Variants in PRKG1 observed in about 807,000 individuals in gnomAD.
The protein encoded by PRKG1 is protein kinase cGMP-dependent 1, also known as cGMP-dependent protein kinase 1.
PRKG1 carries 35 observed loss-of-function variants against 88.1 expected under a neutral mutation model. The ratio of observed to expected loss-of-function variants is 0.40; its 90% CI spans 0.30 to 0.53. The LOEUF is 0.53. PRKG1 is among the 20% of genes least tolerant of loss of function. The probability of loss-of-function intolerance (pLI) is 0.59; values close to 1 mark genes in which losing one functional copy is unlikely to be tolerated. For missense variants in PRKG1, 540 were observed against 839.8 expected (o/e 0.64, Z 4.41); for synonymous variants, 303 against 292.5 (o/e 1.04, Z -0.37).
intron 2 of PRKG1, among the ~76,000 whole-genome samples, chr10:51,360,131 C>G (rs1842449109): frequency 6.6e-6 from 1 of 151,894 alleles, no homozygotes; most frequent in Non-Finnish European, 1.5e-5. Context: ...TTTTGGAACA[C>G]TGCTTTTCAT....
At chr10:51,025,416 C>T (rs972805825) in intron 1 of PRKG1, among the ~76,000 whole-genome samples, 5 of 152,134 alleles carry the variant, frequency 3.3e-5, no homozygotes, top group African/African-American at 1.2e-4. Flanking sequence ...GGGATGTTGA[C>T]ACCCTCTGAT....
At chr10:51,291,159 A>C (rs1289894183) in intron 2 of PRKG1, among the ~76,000 whole-genome samples, 3 of 152,176 alleles carry the variant, frequency 2.0e-5, no homozygotes, top group Admixed American at 2.0e-4. Context: ...CATTGTTATG[A>C]AAGTTAATGC....
chr10:51,485,030 G>T (rs1280880787), intron 3 of PRKG1, among the ~76,000 whole-genome samples: 1 of 152,088 alleles, frequency 6.6e-6, no homozygotes, highest in Non-Finnish European at 1.5e-5. Context: ...TGAGCTTCAG[G>T]CTGTTCCAGG....
chr10:51,315,675 G>T (rs115272635), intron 2 of PRKG1, among the ~76,000 whole-genome samples: 6 of 152,184 alleles, frequency 3.9e-5, no homozygotes, highest in Non-Finnish European at 7.3e-5. Context: ...AAATGGAAAA[G>T]ATAATTCAGT....
rs1165889491 is a variant in PRKG1 at position 52,106,747 on chromosome 10, T to TAATAAA, written c.936-27091_936-27090insTAAAAA. ...ATAATAATAATAATAATAATAATAA[T>TAATAAA]AAAGTAAATAAATAAAAATGTTGAG... On this transcript the variant is annotated intron_variant, in intron 7 of 17. Transcript: ENST00000373980. 7.0e-5 allele frequency among the ~76,000 whole-genome samples: 10 copies of TAATAAA among 143,430 alleles called. No homozygotes were observed. In the East Asian group the frequency reaches 1.6e-3, roughly 22 times the overall value. 94.1% of individuals were successfully genotyped at this position (143,430 alleles called of 152,430 possible). A position where few individuals can be genotyped will look rare whatever the true frequency, so the allele number is the denominator to read the frequency against.
At chr10:52,155,756 C>T (rs867175202) in intron 8 of PRKG1, among the ~76,000 whole-genome samples, 1 of 151,542 alleles carries the variant, frequency 6.6e-6, no homozygotes, top group Non-Finnish European at 1.5e-5. Context: ...CACACACACA[C>T]GTAATTTTAA....
At chr10:51,951,772 T>C (rs1009903190) in intron 5 of PRKG1, among the ~76,000 whole-genome samples, 2 of 152,264 alleles carry the variant, frequency 1.3e-5, no homozygotes, top group African/African-American at 4.8e-5. Flanking sequence ...ACTGTTCTAG[T>C]TGGAACGAAC....
In PRKG1 at chr10:51,807,648, T is replaced by C. The variant is rs144145269; in HGVS notation, c.698+2958T>C. Reference sequence around the variant, plus strand: ...GAGGAAAACCAGCAAGGCTTGTCTGTTGAGATTCTTCTTGGCCTCTCTGTT... The same window carrying C: ...GAGGAAAACCAGCAAGGCTTGTCTGCTGAGATTCTTCTTGGCCTCTCTGTT... On this transcript the variant is annotated intron_variant, in intron 4 of 17. Transcript: ENST00000373980. Among the ~76,000 whole-genome samples the C allele has an allele frequency of 2.9e-4, 44 of 152,310 alleles. 4 individuals carry two copies. Among genetic ancestry groups the C allele is most frequent in the Middle Eastern group, 6.8e-3 (2 of 294 alleles).
chr10:51,819,006 C>CAAAA (rs869048560), intron 4 of PRKG1, among the ~76,000 whole-genome samples: 3 of 18,346 alleles, frequency 1.6e-4, no homozygotes, highest in East Asian at 1.3e-3. Context: ...GACTCCGTCT[C>CAAAA]AAAAAAAAAA....
intron 3 of PRKG1, among the ~76,000 whole-genome samples, chr10:51,701,535 C>A (rs924721711): frequency 1.3e-5 from 2 of 152,162 alleles, no homozygotes; most frequent in African/African-American, 4.8e-5. Flanking sequence ...CACCTGCTAG[C>A]AATGTTTCCC....
chr10:51,982,607 T>C (rs1387067737), intron 5 of PRKG1, among the ~76,000 whole-genome samples: 1 of 152,224 alleles, frequency 6.6e-6, no homozygotes, highest in East Asian at 1.9e-4. Context: ...TCCTGGATTG[T>C]GTTCTGTAAC....
At chr10:51,204,779 A>G (rs1838004700) in intron 2 of PRKG1, among the ~76,000 whole-genome samples, 2 of 152,118 alleles carry the variant, frequency 1.3e-5, no homozygotes, top group African/African-American at 4.8e-5. Flanking sequence ...AGGCATAGTG[A>G]GATGTGAATG....
chr10:51,718,187 A>G (rs1193451639), intron 3 of PRKG1, among the ~76,000 whole-genome samples: 4 of 152,252 alleles, frequency 2.6e-5, no homozygotes, highest in Non-Finnish European at 5.9e-5. Context: ...AAAGAATATA[A>G]GAATAACTGG....
intron 7 of PRKG1, among the ~76,000 whole-genome samples, chr10:52,074,855 C>A (rs1049323052): frequency 5.3e-5 from 8 of 152,082 alleles, no homozygotes; most frequent in African/African-American, 1.9e-4. Flanking sequence ...CTCATGTGTT[C>A]TGATTAAGAC....
In PRKG1 at chr10:51,153,227, G is replaced by A. The variant is rs111805858; in HGVS notation, c.375G>A (p.Ser125=). 80 of 1,612,338 alleles carry A rather than the reference G, an allele frequency of 5.0e-5. No individual in the cohort carries two copies. The highest frequency in any genetic ancestry group is 6.7e-5 in the African/African-American group (5 of 74,746). Residue 125 remains serine (S), a synonymous_variant, in exon 2 of 18, where the codon TCG becomes TCA. Transcript: ENST00000373980. ...DNDFMKNLEL[S]QIQEIVDCMY... is the part of the protein sequence containing the mutation. ...ACTTTATGAAGAACTTGGAGCTGTC[G>A]CAGATCCAGGAGATTGTGGATTGTA...
intron 2 of PRKG1, among the ~76,000 whole-genome samples, chr10:51,294,645 T>A (rs1351981843): frequency 6.6e-6 from 1 of 152,216 alleles, no homozygotes; most frequent in Non-Finnish European, 1.5e-5. Flanking sequence ...AACTAATACT[T>A]CTGGGCTCTT....
At chr10:51,089,358 C>A (rs550578196) in intron 1 of PRKG1, among the ~76,000 whole-genome samples, 1 of 152,280 alleles carries the variant, frequency 6.6e-6, no homozygotes, top group South Asian at 2.1e-4. Flanking sequence ...ACAGCCAGAA[C>A]ACGTACTAAG....
chr10:52,035,862 G>A (rs1232467197), intron 5 of PRKG1, among the ~76,000 whole-genome samples: 20 of 152,236 alleles, frequency 1.3e-4, no homozygotes, highest in Non-Finnish European at 2.2e-4. Context: ...ACGCAGACAT[G>A]AGGGCTAGGC....
intron 3 of PRKG1, among the ~76,000 whole-genome samples, chr10:51,686,896 C>G (rs961903079): frequency 2.6e-5 from 4 of 152,022 alleles, no homozygotes; most frequent in African/African-American, 7.2e-5. Flanking sequence ...CCATCAGGCC[C>G]GGCTAATTTT....
Sources: gnomAD v4.1 joint callset for allele counts (sites outside exome capture counted in the v4.1 genomes callset) on GRCh38, gnomAD v4.1.1 for gene constraint, MANE v1.5 for transcripts, NCBI Gene and HGNC (gene_info 2026-07-23, HGNC 2026-07-21) for gene names.